Variants in CIMIP2C observed in about 807,000 individuals in gnomAD.
CIMIP2C encodes ciliary microtubule inner protein 2C.
the CIMIP2C span, chr2:26,572,219 A>G: frequency 8.0e-6 from 10 of 1,255,700 alleles, no homozygotes; most frequent in Admixed American, 2.5e-4. Context: ...TTTTACTTTG[A>G]CAGGTTTTAT....
the CIMIP2C span, chr2:26,579,338 C>A: frequency 1.2e-6 from 2 of 1,614,072 alleles, no homozygotes; most frequent in Middle Eastern, 1.7e-4. Flanking sequence ...TTAAGACTAG[C>A]CCCCGAGAAC....
chr2:26,571,465 C>T, the CIMIP2C span, among the ~76,000 whole-genome samples: 36 of 152,324 alleles, frequency 2.4e-4, no homozygotes, highest in African/African-American at 8.2e-4. Context: ...CTGACACATG[C>T]ACCCCATGAC....
chr2:26,569,432 T>C, the CIMIP2C span, among the ~76,000 whole-genome samples: 1 of 152,240 alleles, frequency 6.6e-6, no homozygotes, highest in Middle Eastern at 3.4e-3. Context: ...TAGGGAGCCC[T>C]TGAAGGGTTT....
the CIMIP2C span, among the ~76,000 whole-genome samples, chr2:26,563,940 C>G: frequency 4.6e-5 from 7 of 152,166 alleles, no homozygotes; most frequent in African/African-American, 9.7e-5. Flanking sequence ...TCAGACAAAG[C>G]TGATTTACCA....
chr2:26,566,178 T>C, the CIMIP2C span, among the ~76,000 whole-genome samples: 4 of 152,230 alleles, frequency 2.6e-5, no homozygotes, highest in Non-Finnish European at 1.5e-5. Context: ...AGACTGCCAC[T>C]GCGCCCCATG....
At chr2:26,565,345 C>G in the CIMIP2C span, among the ~76,000 whole-genome samples, 8 of 152,216 alleles carry the variant, frequency 5.3e-5, no homozygotes, top group Non-Finnish European at 1.0e-4. Context: ...CCCGCCTTGG[C>G]CTCCCAAAGT....
the CIMIP2C span, among the ~76,000 whole-genome samples, chr2:26,574,423 G>A: frequency 0.3 from 44,753 of 150,708 alleles, 7,363 homozygotes; most frequent in East Asian, 0.61. Flanking sequence ...GGATGCCTCA[G>A]TTTCTGACTT....
the CIMIP2C span, among the ~76,000 whole-genome samples, chr2:26,575,472 G>C: frequency 6.6e-6 from 1 of 152,200 alleles, no homozygotes; most frequent in African/African-American, 2.4e-5. Flanking sequence ...CATTGACTGG[G>C]GGGGTATCTG....
At chr2:26,579,178 C>T in the CIMIP2C span, 9 of 1,239,940 alleles carry the variant, frequency 7.3e-6, no homozygotes, top group Admixed American at 8.5e-5. Context: ...GTTAAACTGA[C>T]GAGTAGCCGG....
At chr2:26,577,706 A>G in the CIMIP2C span, 10 of 1,018,740 alleles carry the variant, frequency 9.8e-6, no homozygotes, top group Non-Finnish European at 1.4e-5. Flanking sequence ...AGGCATGCAC[A>G]GCACACAGAC....
chr2:26,579,146 AG>A, the CIMIP2C span: 1 of 829,918 alleles, frequency 1.2e-6, no homozygotes. Context: ...TCCCACCCCA[AG>A]TCCAGGGGGA....
the CIMIP2C span, chr2:26,579,082 T>C: frequency 5.1e-6 from 3 of 592,382 alleles, no homozygotes; most frequent in African/African-American, 5.6e-5. Flanking sequence ...CAGGTCTGTC[T>C]GACATCTGTG....
chr2:26,575,292 C>T, the CIMIP2C span, among the ~76,000 whole-genome samples: 1 of 152,218 alleles, frequency 6.6e-6, no homozygotes, highest in African/African-American at 2.4e-5. Flanking sequence ...TGCTACACCA[C>T]ATCTCCCACC....
chr2:26,562,940 C>T, the CIMIP2C span: 2 of 521,328 alleles, frequency 3.8e-6, no homozygotes, highest in Admixed American at 7.2e-5. Context: ...GCCAGCAGGG[C>T]ATAAGGGACC....
the CIMIP2C span, chr2:26,577,425 C>T: frequency 7.9e-7 from 1 of 1,259,280 alleles, no homozygotes; most frequent in Non-Finnish European, 1.1e-6. Flanking sequence ...GCCCCCAACC[C>T]TGCCCAGGTG....
chr2:26,577,705 C>A, the CIMIP2C span: 2 of 1,022,290 alleles, frequency 2.0e-6, no homozygotes, highest in Non-Finnish European at 3.0e-6. Context: ...CAGGCATGCA[C>A]AGCACACAGA....
At chr2:26,570,281 G>A in the CIMIP2C span, among the ~76,000 whole-genome samples, 2 of 152,206 alleles carry the variant, frequency 1.3e-5, no homozygotes, top group African/African-American at 4.8e-5. Flanking sequence ...TTTCTTCGGA[G>A]GAGCCCATCG....
the CIMIP2C span, chr2:26,575,751 TG>T: frequency 1.2e-6 from 1 of 862,026 alleles, no homozygotes; most frequent in African/African-American, 1.7e-5. Flanking sequence ...TCAGAACTCC[TG>T]GGCTCAGGTG....
the CIMIP2C span, chr2:26,562,998 G>T: frequency 4.9e-6 from 2 of 412,218 alleles, no homozygotes; most frequent in Non-Finnish European, 8.7e-6. Flanking sequence ...GCCACGTGGG[G>T]TTTAGTGCTT....
Sources: gnomAD v4.1 joint callset for allele counts (sites outside exome capture counted in the v4.1 genomes callset) on GRCh38, gnomAD v4.1.1 for gene constraint, MANE v1.5 for transcripts, NCBI Gene and HGNC (gene_info 2026-07-23, HGNC 2026-07-21) for gene names.